Variants in GAK observed in about 807,000 individuals in gnomAD.
The protein encoded by GAK is cyclin-G-associated kinase.
In GAK, 79 loss-of-function variants were observed where a neutral mutation model predicts 143.9. The ratio of observed to expected loss-of-function variants is 0.55; its 90% CI spans 0.46 to 0.66. GAK has a LOEUF of 0.66. GAK is among the 30% of genes least tolerant of loss of function. The pLI, the probability that GAK is intolerant of heterozygous loss-of-function variation, is 0.00. For missense variants in GAK, 1,693 were observed against 1,779.7 expected (o/e 0.95, Z 0.88); for synonymous variants, 881 against 765.5 (o/e 1.15, Z -2.49).
intron 1 of GAK, among the ~76,000 whole-genome samples, chr4:926,696 G>T (rs1236023103): frequency 6.6e-6 from 1 of 152,176 alleles, no homozygotes; most frequent in African/African-American, 2.4e-5. Flanking sequence ...TGTCAACTTG[G>T]AAGTGAAGGC....
chr4:884,756 G>A (rs1016050428), intron 11 of GAK, among the ~76,000 whole-genome samples: 2 of 152,260 alleles, frequency 1.3e-5, no homozygotes, highest in African/African-American at 4.8e-5. Context: ...CTGTTCTTGT[G>A]AGGGAAGGAG....
At chr4:857,470 G>A (rs76370559) in intron 24 of GAK, among the ~76,000 whole-genome samples, 5,994 of 152,238 alleles carry the variant, frequency 0.039, 139 homozygotes, top group East Asian at 0.095. Flanking sequence ...TTTTAATTAT[G>A]AATTTATTTT....
At chr4:885,035 G>T in intron 11 of GAK, among the ~76,000 whole-genome samples, 2 of 152,158 alleles carry the variant, frequency 1.3e-5, no homozygotes, top group East Asian at 3.9e-4. Context: ...GCGTTCAAAC[G>T]TTTTAAAAGC....
intron 7 of GAK, 21 bp from the exon 8 acceptor site, chr4:894,030 A>T: frequency 1.9e-6 from 3 of 1,576,298 alleles, no homozygotes; most frequent in Non-Finnish European, 2.6e-6. Context: ...AGCAGGGGTG[A>T]TGCCTAGGCC....
At chr4:856,497 ACTCACCACCACAGCTGCTCACACCTG>A (rs1560281284) in intron 24 of GAK, among the ~76,000 whole-genome samples, 39 of 95,848 alleles carry the variant, frequency 4.1e-4, no homozygotes, top group African/African-American at 6.1e-4. Flanking sequence ...GCTCACACCT[ACTCACCACCACAGCTGCTCACACCTG>A]CTCACCACCA....
At chr4:859,831 G>C in intron 23 of GAK, 109 bp from the exon 24 acceptor site, 1 of 786,320 alleles carries the variant, frequency 1.3e-6, no homozygotes, top group Non-Finnish European at 2.1e-6. Flanking sequence ...ACTCCTGCCT[G>C]AGAGCTGGCA....
intron 8 of GAK, 42 bp downstream of exon 8, chr4:893,832 C>T (rs777589864): frequency 1.9e-5 from 29 of 1,532,326 alleles, no homozygotes; most frequent in Non-Finnish European, 2.5e-5. Context: ...GGGGTCTGTG[C>T]TCCAGGGTCC....
Position 882,831 on chromosome 4 carries a change from G to GGGCACGGT in GAK, c.1405-20_1405-13dup, listed in dbSNP as rs745389315. 14 of 1,606,864 alleles carry GGGCACGGT rather than the reference G, an allele frequency of 8.7e-6. No individual in the cohort carries two copies. The highest frequency in any genetic ancestry group is 2.7e-5 in the African/African-American group (2 of 74,964). On this transcript the variant is annotated splice_polypyrimidine_tract_variant and intron_variant, in intron 13 of 27. Coordinates refer to ENST00000314167, the MANE Select transcript of GAK (RefSeq NM_005255.4). ...CCACACTCGGAGACCTGTGGGGACAGGGCACGGTGGCACGGACGGCAGAGG... is the reference window on the plus strand; with the variant it reads ...CCACACTCGGAGACCTGTGGGGACAGGGCACGGTGGCACGGTGGCACGGACGGCAGAGG...
In GAK at chr4:870,866, G is replaced by A. The variant is rs751493758; in HGVS notation, c.2093C>T (p.Pro698Leu). The A allele has an allele frequency of 8.7e-6, 14 of 1,613,736 alleles. No homozygotes were observed. The highest frequency in any genetic ancestry group is 4.5e-5 in the East Asian group (2 of 44,872). ...TTCCAGGTTCACTTGAAATAAATCC[G>A]GGTATTTTTCTTGAATGTCACACGC... ...LDACDIQEKY[P>L]DLFQVNLEVE... The change falls in exon 19 of 28, where the codon CCG becomes CTG. Residue 698 changes from proline to leucine, a missense_variant. By Grantham distance (98) the Pro-to-Leu change is moderately conservative. Around this residue, in one of 2 missense-constraint regions of GAK, gnomAD observed 871 missense variants for 991.0 expected, o/e 0.88. Coordinates refer to ENST00000314167, the MANE Select transcript of GAK (RefSeq NM_005255.4).
chr4:919,882 G>A (rs1015941023), intron 1 of GAK, among the ~76,000 whole-genome samples: 3 of 152,226 alleles, frequency 2.0e-5, no homozygotes, highest in Admixed American at 6.5e-5. Flanking sequence ...GTCTGGGAAC[G>A]GCTCATGCCT....
intron 1 of GAK, among the ~76,000 whole-genome samples, chr4:918,437 C>T (rs558667938): frequency 4.6e-5 from 7 of 152,286 alleles, no homozygotes; most frequent in Admixed American, 1.3e-4. Flanking sequence ...GAAAAACTAA[C>T]GAAAGACAAA....
intron 22 of GAK, 114 bp downstream of exon 22, chr4:866,250 C>T: frequency 1.8e-6 from 2 of 1,102,910 alleles, no homozygotes; most frequent in Admixed American, 2.1e-5. Context: ...CACCCGGAGG[C>T]CACACAGTCC....
Position 889,011 on chromosome 4 carries a change from T to C in GAK, c.1082-41A>G, listed in dbSNP as rs1312670005. 3.8e-6 allele frequency: 6 copies of C among 1,587,518 alleles called. No homozygotes were observed. The East Asian group carries it at 9.2e-5, about 24-fold the overall frequency. On this transcript the variant is annotated intron_variant, in intron 10 of 27. Coordinates refer to ENST00000314167, the MANE Select transcript of GAK (RefSeq NM_005255.4). ...GTCTCAGCAGGCCCCAGGTGCTCGG[T>C]CCCACCTCCCCAGGTGCGGGTTGCT...
chr4:931,999 C>T, intron 1 of GAK, 44 bp downstream of exon 1: 1 of 1,395,080 alleles, frequency 7.2e-7, no homozygotes, highest in Non-Finnish European at 9.9e-7. Context: ...GTCCCGGAGA[C>T]AACACTCCGC....
At position 897,915 on chromosome 4, in the gene GAK, C is replaced by T. The variant is rs547302727; in HGVS notation, c.651+118G>A. The T allele has an allele frequency of 6.5e-6, 8 of 1,235,774 alleles. No individual in the cohort carries two copies. The South Asian group carries it at 6.5e-5, about 10-fold the overall frequency. 76.6% of individuals were successfully genotyped at this position (1,235,774 alleles called of 1,614,324 possible). The stretch of plus-strand genomic sequence containing the variant: ...AGTGAGCCGGGATTGCACCACTGCA[C>T]TCCAGCCTGGTGACAGAGCGAGACT... On this transcript the variant is annotated intron_variant, in intron 6 of 27. Transcript: ENST00000314167.
chr4:890,719 T>A lies in GAK; in HGVS notation c.991-97A>T, dbSNP rs577486278. 8.7e-6 allele frequency: 8 copies of A among 919,138 alleles called. No individual in the cohort carries two copies. The Admixed American group carries it at 1.3e-4, about 15-fold the overall frequency. The allele number at this position is 919,138 out of a possible 1,614,324, so 56.9% of individuals were successfully genotyped here. On this transcript the variant is annotated intron_variant, in intron 9 of 27. Transcript: ENST00000314167. Reference sequence around the variant, plus strand: ...ACGGTATGGGTGCCCTCAGAGCCCATCCTTCTGCCCCCTGATCTATGACAC... The same window carrying A: ...ACGGTATGGGTGCCCTCAGAGCCCAACCTTCTGCCCCCTGATCTATGACAC...
intron 7 of GAK, chr4:894,268 C>T (rs558877227): frequency 1.4e-4 from 36 of 256,862 alleles, no homozygotes; most frequent in African/African-American, 8.1e-4. Context: ...GCAGGGGTGA[C>T]GTTGGGGCCG....
intron 4 of GAK, among the ~76,000 whole-genome samples, chr4:905,061 CCTT>C (rs1720816963): frequency 6.6e-6 from 1 of 152,128 alleles, no homozygotes; most frequent in South Asian, 2.1e-4. Context: ...AGGAGTGTGA[CCTT>C]CTGGTTGGCT....
intron 4 of GAK, among the ~76,000 whole-genome samples, chr4:910,841 C>G (rs1011090553): frequency 6.6e-6 from 1 of 152,176 alleles, no homozygotes. Context: ...GACTTCCCCT[C>G]GTCACCTGGC....
Sources: allele counts gnomAD v4.1 joint callset (sites outside exome capture counted in the v4.1 genomes callset), GRCh38; gene constraint gnomAD v4.1.1; regional missense constraint gnomAD v4.1.1; transcripts MANE v1.5; gene names NCBI Gene and HGNC (gene_info 2026-07-23, HGNC 2026-07-21).